DNASE2B: variants seen among roughly 807,000 people sequenced by gnomAD.
DNASE2B encodes deoxyribonuclease-2-beta.
Under a neutral mutation model 46.0 loss-of-function variants are expected in DNASE2B, and 43 were observed. The ratio of observed to expected loss-of-function variants is 0.94; its 90% CI spans 0.73 to 1.21. The LOEUF (loss-of-function observed/expected upper bound fraction) is 1.21, where lower values mean the gene tolerates loss of function less well. Among genes scored for constraint, DNASE2B ranks in the 50% most tolerant of loss-of-function variants. The probability of loss-of-function intolerance (pLI) is 0.00; values close to 1 mark genes in which losing one functional copy is unlikely to be tolerated. For synonymous variants in DNASE2B, 156 were observed against 152.5 expected, an observed-to-expected ratio of 1.02 and a Z score of -0.17; for missense variants, 395 against 414.4, an observed-to-expected ratio of 0.95 and a Z score of 0.41.
chr1:84,399,261 G>C (rs1680359372), intron 1 of DNASE2B, among the ~76,000 whole-genome samples: 1 of 152,150 alleles, frequency 6.6e-6, no homozygotes, highest in Admixed American at 6.5e-5. Context: ...TATAGTCATG[G>C]GTTCTCCTAA....
At chr1:84,407,028 G>A (rs920802917) in intron 2 of DNASE2B, among the ~76,000 whole-genome samples, 8 of 152,128 alleles carry the variant, frequency 5.3e-5, no homozygotes, top group African/African-American at 1.9e-4. Context: ...ACACTCAATA[G>A]TCAAAACAAT....
At chr1:84,411,710 A>G (rs1033052069) in intron 4 of DNASE2B, among the ~76,000 whole-genome samples, 1 of 152,112 alleles carries the variant, frequency 6.6e-6, no homozygotes, top group Admixed American at 6.6e-5. Flanking sequence ...ATAGTAGTGA[A>G]AAGCAACTTG....
At chr1:84,408,816 TTATATA>T (rs10556229) in intron 3 of DNASE2B, among the ~76,000 whole-genome samples, 24 of 149,194 alleles carry the variant, frequency 1.6e-4, no homozygotes, top group Non-Finnish European at 2.1e-4. Context: ...ACCAGCAATT[TTATATA>T]TATATATATA....
intron 2 of DNASE2B, among the ~76,000 whole-genome samples, chr1:84,404,907 GT>G (rs1443088978): frequency 6.6e-6 from 1 of 152,160 alleles, no homozygotes. Flanking sequence ...CAGTTAGTCT[GT>G]CCCTTCCTGC....
Position 84,414,968 on chromosome 1 carries a change from T to A in DNASE2B, c.*100T>A, listed in dbSNP as rs1680669864. ...TTTTAAAGGCCTGTGAATATACTTATAACCTGCATATCACAAAATAAAACA... is the reference window on the plus strand; with the variant it reads ...TTTTAAAGGCCTGTGAATATACTTAAAACCTGCATATCACAAAATAAAACA... On this transcript the variant is annotated 3_prime_UTR_variant, in exon 6 of 6. Coordinates refer to ENST00000370665, the MANE Select transcript of DNASE2B (RefSeq NM_021233.3). The A allele has an allele frequency of 1.3e-6, 1 of 786,486 alleles. No homozygotes were observed. Among genetic ancestry groups the A allele is most frequent in the Non-Finnish European group, 2.0e-6 (1 of 502,568 alleles). The allele number at this position is 786,486 out of a possible 1,614,324, so 48.7% of individuals were successfully genotyped here.
chr1:84,401,235 C>A (rs1192371138), intron 1 of DNASE2B, among the ~76,000 whole-genome samples: 1 of 152,156 alleles, frequency 6.6e-6, no homozygotes, highest in Non-Finnish European at 1.5e-5. Context: ...TCTTACAATG[C>A]ACAGGACAGC....
At chr1:84,411,160 C>T (rs1295803059) in intron 4 of DNASE2B, among the ~76,000 whole-genome samples, 161 bp downstream of exon 4, 3 of 152,152 alleles carry the variant, frequency 2.0e-5, no homozygotes, top group South Asian at 2.1e-4. Flanking sequence ...TGGGCAGGCT[C>T]GCTTACTGGG....
At chr1:84,410,323 T>C (rs1201021899) in intron 3 of DNASE2B, among the ~76,000 whole-genome samples, 2 of 152,216 alleles carry the variant, frequency 1.3e-5, no homozygotes, top group African/African-American at 2.4e-5. Flanking sequence ...GCTTCTTTTA[T>C]TGGGCTTGTA....
chr1:84,410,101 T>G (rs922831475), intron 3 of DNASE2B, among the ~76,000 whole-genome samples: 1 of 152,222 alleles, frequency 6.6e-6, no homozygotes, highest in African/African-American at 2.4e-5. Flanking sequence ...AACTGGAAAG[T>G]CTAGCTATCA....
At chr1:84,405,939 T>C (rs2101849694) in intron 2 of DNASE2B, among the ~76,000 whole-genome samples, 1 of 152,350 alleles carries the variant, frequency 6.6e-6, no homozygotes, top group South Asian at 2.1e-4. Flanking sequence ...CTTTTTATAA[T>C]AGATTTGTGC....
rs142244437 is a variant in DNASE2B, at chr1:84,407,988, A to G, written c.304-449A>G. Among the ~76,000 whole-genome samples, 11 of 152,326 alleles carry G rather than the reference A, an allele frequency of 7.2e-5. No individual in the cohort carries two copies. The East Asian group carries it at 2.1e-3, about 29-fold the overall frequency. Reference sequence around the variant, plus strand: ...CAGTGAAGTGAAGCACAAAGTGTGCAGAGAAAATCAGATCCTGACAGCCAG... The same window carrying G: ...CAGTGAAGTGAAGCACAAAGTGTGCGGAGAAAATCAGATCCTGACAGCCAG... On this transcript the variant is annotated intron_variant, in intron 2 of 5. Transcript: ENST00000370665.
At chr1:84,401,814 A>T in intron 1 of DNASE2B, 87 bp from the exon 2 acceptor site, 1 of 1,019,358 alleles carries the variant, frequency 9.8e-7, no homozygotes. Context: ...AACAGAAATG[A>T]GAGATATATT....
At chr1:84,402,540 T>G (rs1680438977) in intron 2 of DNASE2B, among the ~76,000 whole-genome samples, 1 of 152,226 alleles carries the variant, frequency 6.6e-6, no homozygotes, top group Non-Finnish European at 1.5e-5. Context: ...TTTTCATTAA[T>G]TGTTTTCAAA....
rs1344822998 is a variant in DNASE2B, at chr1:84,414,635, G to C, written c.853G>C (p.Val285Leu). The part of the protein sequence containing the change: ...LPSNCSLPYH[V>L]YNIKAIKLSR... ...TTCAAACTGCTCCCTTCCTTACCAT[G>C]TCTACAATATAAAAGCAATTAAATT... The change falls in exon 6 of 6, where the codon GTC becomes CTC. Residue 285 changes from valine to leucine, a missense_variant. Transcript: ENST00000370665. The C allele has an allele frequency of 6.2e-7, 1 of 1,613,874 alleles. No individual in the cohort carries two copies. The highest frequency in any genetic ancestry group is 8.5e-7 in the Non-Finnish European group (1 of 1,179,994).
intron 5 of DNASE2B, among the ~76,000 whole-genome samples, chr1:84,414,249 C>T (rs983196499): frequency 2.0e-5 from 3 of 152,158 alleles, no homozygotes; most frequent in Admixed American, 1.3e-4. Flanking sequence ...AAAGGTCTTT[C>T]CAGGACAAAG....
chr1:84,403,204 G>T (rs551839107), intron 2 of DNASE2B, among the ~76,000 whole-genome samples: 2 of 152,250 alleles, frequency 1.3e-5, no homozygotes, highest in Admixed American at 1.3e-4. Context: ...CTGGGGTAGG[G>T]GTGCCGGCCC....
At position 84,401,771 on chromosome 1, in the gene DNASE2B, G is replaced by C. The variant is rs988200645; in HGVS notation, c.126-130G>C. 7.6e-6 allele frequency: 5 copies of C among 660,786 alleles called. No individual in the cohort carries two copies. In the South Asian group the frequency reaches 1.3e-4, roughly 17 times the overall value. 40.9% of individuals were successfully genotyped at this position (660,786 alleles called of 1,614,324 possible). ...GAGTGAAGAAAGAGGCAAAGAGCTT[G>C]AGCAAATCCCTTTCCTTAGAGGCCT... On this transcript the variant is annotated intron_variant, in intron 1 of 5. Transcript: ENST00000370665.
At chr1:84,414,445 T>G in intron 5 of DNASE2B, 83 bp from the exon 6 acceptor site, 1 of 1,213,934 alleles carries the variant, frequency 8.2e-7, no homozygotes, top group Admixed American at 2.7e-5. Flanking sequence ...GGGTGAAAGA[T>G]GATTTCCATT....
chr1:84,411,428 GTGTGT>G (rs1680590721), intron 4 of DNASE2B, among the ~76,000 whole-genome samples: 3 of 4,754 alleles, frequency 6.3e-4, no homozygotes, highest in African/African-American at 8.0e-4. Flanking sequence ...AACCTAGGGT[GTGTGT>G]GTGTGTGTGT....
Sources: gnomAD v4.1 joint callset for allele counts (sites outside exome capture counted in the v4.1 genomes callset) on GRCh38, gnomAD v4.1.1 for gene constraint, MANE v1.5 for transcripts, NCBI Gene and HGNC (gene_info 2026-07-23, HGNC 2026-07-21) for gene names.